CPT1A: variants seen among roughly 807,000 people sequenced by gnomAD.
CPT1A encodes the protein carnitine O-palmitoyltransferase 1, liver isoform.
A neutral mutation model predicts 100.8 loss-of-function variants in CPT1A; 64 were observed. That is an observed-to-expected ratio of 0.63 (90% confidence interval 0.52 to 0.78). The LOEUF is 0.78. Among genes scored for constraint, CPT1A ranks in the 30% least tolerant of loss-of-function variants. CPT1A has a pLI of 0.00. For synonymous variants in CPT1A, 363 were observed against 396.0 expected (o/e 0.92, Z 0.99); for missense variants, 802 against 1,034.1 (o/e 0.78, Z 3.08).
At position 68,754,894 on chromosome 11, in the gene CPT1A, T is replaced by A. The variant is rs757579878; in HGVS notation, c.*2750A>T. 1.3e-6 allele frequency: 1 copy of A among 778,192 alleles called. No homozygotes were observed. The highest frequency in any genetic ancestry group is 1.7e-5 in the African/African-American group (1 of 59,088). The allele number at this position is 778,192 out of a possible 1,614,324, so 48.2% of individuals were successfully genotyped here. ...GACAGAAACAAATCTTGTAGTAGAC[T>A]GGGGTTAATGTTTTATTAATGATAA... On this transcript the variant is annotated 3_prime_UTR_variant, in exon 19 of 19. Coordinates refer to ENST00000265641, the MANE Select transcript of CPT1A (RefSeq NM_001876.4).
intron 1 of CPT1A, among the ~76,000 whole-genome samples, chr11:68,817,629 G>C (rs1445686848): frequency 6.6e-6 from 1 of 151,760 alleles, no homozygotes; most frequent in African/African-American, 2.4e-5. Flanking sequence ...CAGGAGGATG[G>C]GGTCAAGGGC....
chr11:68,757,461 G>A lies in CPT1A; in HGVS notation c.*183C>T. 1 of 1,466,908 alleles carries A rather than the reference G, an allele frequency of 6.8e-7. No individual in the cohort carries two copies. The highest frequency in any genetic ancestry group is 9.0e-7 in the Non-Finnish European group (1 of 1,114,824). The allele number at this position is 1,466,908 out of a possible 1,614,324, so 90.9% of individuals were successfully genotyped here. A position where few individuals can be genotyped will look rare whatever the true frequency, so the allele number is the denominator to read the frequency against. ...AGGGAGGGCAAGTCTGGAAGTAGTG[G>A]GGTTATGCTTCACAGGGGAGAGATA... On this transcript the variant is annotated 3_prime_UTR_variant, in exon 19 of 19. Coordinates refer to ENST00000265641, the MANE Select transcript of CPT1A (RefSeq NM_001876.4).
chr11:68,816,884 TGTGTGTGTG>T (rs1419641353), intron 1 of CPT1A, among the ~76,000 whole-genome samples: 1 of 129,946 alleles, frequency 7.7e-6, no homozygotes, highest in Non-Finnish European at 1.6e-5. Context: ...CATGTGTATA[TGTGTGTGTG>T]GTGTGTGTGG....
chr11:68,838,103 C>G (rs1202440710), intron 1 of CPT1A, among the ~76,000 whole-genome samples: 3 of 152,074 alleles, frequency 2.0e-5, no homozygotes, highest in Non-Finnish European at 2.9e-5. Flanking sequence ...CAATGCCTAA[C>G]CTATATCCCT....
chr11:68,821,671 G>A (rs1310568715), intron 1 of CPT1A, among the ~76,000 whole-genome samples: 1 of 152,150 alleles, frequency 6.6e-6, no homozygotes, highest in Non-Finnish European at 1.5e-5. Flanking sequence ...TTGTTATGCT[G>A]TATTTTTATT....
chr11:68,799,399 A>AGGCTTTGATTAATATGTT, intron 5 of CPT1A, 44 bp from the exon 6 acceptor site: 1 of 1,605,114 alleles, frequency 6.2e-7, no homozygotes, highest in Non-Finnish European at 8.5e-7. Context: ...GTTAAAACAT[A>AGGCTTTGATTAATATGTT]TTAATCAAAG....
In CPT1A at chr11:68,799,313, T is replaced by C. The variant is rs201425412; in HGVS notation, c.598A>G (p.Lys200Glu). ...VRPLMKEEDFKRMTALAQDFA... is the reference protein window; with the variant it reads ...VRPLMKEEDFERMTALAQDFA... ...TCTTGAGCAAGTGCTGTCATCCGTT[T>C]GAAGTCTTCTTCCTTCATAAGAGGC... Residue 200 changes from lysine (K) to glutamate (E), a missense_variant, in exon 6 of 19, where the codon AAA (lysine) becomes GAA (glutamate). Transcript: ENST00000265641. 4.0e-5 allele frequency: 65 copies of C among 1,614,098 alleles called. No homozygotes were observed. In the East Asian group the frequency reaches 1.1e-3, roughly 27 times the overall value.
At chr11:68,781,737 C>CA (rs780335635) in intron 11 of CPT1A, 34 bp downstream of exon 11, 2 of 1,605,814 alleles carry the variant, frequency 1.2e-6, no homozygotes, top group Non-Finnish European at 8.5e-7. Flanking sequence ...AGCTCATGGG[C>CA]AAACTCCTGT....
At chr11:68,826,918 G>C (rs1029155116) in intron 1 of CPT1A, among the ~76,000 whole-genome samples, 1 of 152,144 alleles carries the variant, frequency 6.6e-6, no homozygotes, top group African/African-American at 2.4e-5. Context: ...AGGTGAGGCA[G>C]GTGAGCAGCT....
intron 4 of CPT1A, 139 bp from the exon 5 acceptor site, chr11:68,804,240 T>A: frequency 4.2e-6 from 3 of 711,068 alleles, no homozygotes; most frequent in Non-Finnish European, 7.6e-6. Flanking sequence ...AAGACAAGGC[T>A]ATGTTAAAGA....
At chr11:68,802,423 G>A (rs1323036888) in intron 5 of CPT1A, among the ~76,000 whole-genome samples, 3 of 60,684 alleles carry the variant, frequency 4.9e-5, no homozygotes, top group Non-Finnish European at 6.6e-5. Flanking sequence ...GTGAAACTCC[G>A]TCTCTGGAAA....
chr11:68,824,450 C>T (rs763897923), intron 1 of CPT1A, among the ~76,000 whole-genome samples: 16 of 151,986 alleles, frequency 1.1e-4, no homozygotes, highest in South Asian at 2.1e-4. Context: ...CAAACAGGCA[C>T]GTGTACCCCC....
intron 18 of CPT1A, among the ~76,000 whole-genome samples, chr11:68,759,129 C>T (rs543898767): frequency 6.6e-6 from 1 of 152,040 alleles, no homozygotes; most frequent in East Asian, 1.9e-4. Context: ...CGCGGTGGCT[C>T]ATGCCTGTAA....
In CPT1A at chr11:68,761,663, T is replaced by G; in HGVS notation, c.1900A>C (p.Lys634Gln). 6.2e-7 allele frequency: 1 copy of G among 1,614,146 alleles called. No homozygotes were observed. Among genetic ancestry groups the G allele is most frequent in the African/African-American group, 1.3e-5 (1 of 75,044 alleles). The change falls in exon 16 of 19, where the codon AAG becomes CAG. Residue 634 changes from lysine (K) to glutamine (Q), a missense_variant. Transcript: ENST00000265641. ...TGCTGATGCTTCTCAGACGCCAACT[T>G]GAACAACTTCAGCCTCTGTTCCACC... ...QTVEQRLKLFKLASEKHQHMY... is the reference protein window; with the variant it reads ...QTVEQRLKLFQLASEKHQHMY...
In CPT1A at chr11:68,780,693, G is replaced by A. The variant is rs1315026195; in HGVS notation, c.1405C>T (p.Leu469Phe). 4.3e-6 allele frequency: 7 copies of A among 1,614,214 alleles called. No individual in the cohort carries two copies. The South Asian group carries it at 6.6e-5, about 15-fold the overall frequency. Residue 469 changes from leucine to phenylalanine, a missense_variant, in exon 12 of 19, where the codon CTC (leucine) becomes TTC (phenylalanine). Around this residue, in one of 4 missense-constraint regions of CPT1A, gnomAD observed 627 missense variants for 799.3 expected, o/e 0.78. Transcript: ENST00000265641. ...TCTGCCCAGGAGTGTTCAGCGTTGAGGCCCATCTTCCCGTTTTTGAAGACA... is the reference window on the plus strand; with the variant it reads ...TCTGCCCAGGAGTGTTCAGCGTTGAAGCCCATCTTCCCGTTTTTGAAGACA... ...FVVFKNGKMG[L>F]NAEHSWADAP...
chr11:68,828,248 A>G (rs1856783411), intron 1 of CPT1A, among the ~76,000 whole-genome samples: 1 of 152,164 alleles, frequency 6.6e-6, no homozygotes, highest in Non-Finnish European at 1.5e-5. Context: ...AAGGCGTCTG[A>G]GTGCCCTGCC....
intron 1 of CPT1A, among the ~76,000 whole-genome samples, chr11:68,833,954 G>C (rs1856946959): frequency 6.6e-6 from 1 of 152,002 alleles, no homozygotes; most frequent in Non-Finnish European, 1.5e-5. Flanking sequence ...GCCTAAGCTG[G>C]GACTACAGGT....
chr11:68,769,403 A>ATTT (rs528320899), intron 14 of CPT1A, among the ~76,000 whole-genome samples: 2 of 133,316 alleles, frequency 1.5e-5, no homozygotes, highest in African/African-American at 2.8e-5. Context: ...TGCTGGGCTA[A>ATTT]TTTTTTTTTT....
At chr11:68,839,441 T>C (rs1594384639) in intron 1 of CPT1A, 1 of 917,094 alleles carries the variant, frequency 1.1e-6, no homozygotes, top group Non-Finnish European at 1.3e-6. Context: ...GGCTGGCGCG[T>C]CCCAGGCGCT....
Sources: allele counts gnomAD v4.1 joint callset (sites outside exome capture counted in the v4.1 genomes callset), GRCh38; gene constraint gnomAD v4.1.1; regional missense constraint gnomAD v4.1.1; transcripts MANE v1.5; gene names NCBI Gene and HGNC (gene_info 2026-07-23, HGNC 2026-07-21).